NEGR1: variants seen among roughly 807,000 people sequenced by gnomAD.
NEGR1 encodes neuronal growth regulator 1.
A neutral mutation model predicts 40.9 loss-of-function variants in NEGR1; 10 were observed. The ratio of observed to expected loss-of-function variants is 0.24; its 90% CI spans 0.15 to 0.42. The LOEUF is 0.42. Ranked by LOEUF, NEGR1 falls within the 10% of genes least tolerant of loss-of-function variation. The pLI is 1.00. For missense variants in NEGR1, 352 were observed against 438.9 expected, an observed-to-expected ratio of 0.80 and a Z score of 1.77; for synonymous variants, 185 against 166.8, an observed-to-expected ratio of 1.11 and a Z score of -0.84.
At chr1:72,064,496 A>T (rs11209902) in intron 1 of NEGR1, among the ~76,000 whole-genome samples, 3 of 152,186 alleles carry the variant, frequency 2.0e-5, no homozygotes, top group East Asian at 1.9e-4. Flanking sequence ...GCTGGGATCA[A>T]ATCAGAACAC....
At chr1:71,820,764 C>A (rs1342493381) in intron 2 of NEGR1, among the ~76,000 whole-genome samples, 1 of 151,986 alleles carries the variant, frequency 6.6e-6, no homozygotes, top group Non-Finnish European at 1.5e-5. Context: ...CATCCTTCAA[C>A]AAAGATAGCG....
At chr1:72,127,152 C>G (rs1267431325) in intron 1 of NEGR1, among the ~76,000 whole-genome samples, 1 of 152,134 alleles carries the variant, frequency 6.6e-6, no homozygotes, top group Non-Finnish European at 1.5e-5. Flanking sequence ...AACAATGGCA[C>G]TTTAAAAAGT....
chr1:71,685,852 T>A (rs928319383), intron 4 of NEGR1, among the ~76,000 whole-genome samples: 8 of 152,232 alleles, frequency 5.3e-5, no homozygotes, highest in Non-Finnish European at 4.4e-5. Context: ...AATTAAATAC[T>A]TTTTTGAAGA....
At position 71,990,764 on chromosome 1, in the gene NEGR1, T is replaced by C. The variant is rs559958633; in HGVS notation, c.177-55453A>G. ...GATACATCTCTAATACTTCCTAATT[T>C]TCATCAAAACTTTACTTAGTCCTTG... On this transcript the variant is annotated intron_variant, in intron 1 of 6. Coordinates refer to ENST00000357731, the MANE Select transcript of NEGR1 (RefSeq NM_173808.3). 2.6e-5 allele frequency among the ~76,000 whole-genome samples: 4 copies of C among 152,166 alleles called. No homozygotes were observed. In the South Asian group the frequency reaches 8.3e-4, roughly 32 times the overall value.
chr1:71,742,660 C>G (rs1026501479), intron 3 of NEGR1, among the ~76,000 whole-genome samples: 1 of 152,060 alleles, frequency 6.6e-6, no homozygotes, highest in African/African-American at 2.4e-5. Flanking sequence ...TTTTCATGGG[C>G]TCATAGCTGG....
intron 6 of NEGR1, among the ~76,000 whole-genome samples, chr1:71,539,413 G>A (rs1647617251): frequency 6.6e-6 from 1 of 151,658 alleles, no homozygotes; most frequent in African/African-American, 2.4e-5. Flanking sequence ...GAAAGCCTAC[G>A]AAGGAAAACA....
intron 1 of NEGR1, among the ~76,000 whole-genome samples, chr1:72,167,532 C>T (rs1651812011): frequency 1.3e-5 from 2 of 151,888 alleles, no homozygotes; most frequent in South Asian, 4.1e-4. Flanking sequence ...CATATGAGTA[C>T]TTGTACAAAT....
At chr1:71,415,231 A>G (rs888314527) in intron 6 of NEGR1, among the ~76,000 whole-genome samples, 3 of 152,118 alleles carry the variant, frequency 2.0e-5, no homozygotes, top group Non-Finnish European at 4.4e-5. Context: ...ATTTTTACAG[A>G]AAATCTCTCT....
intron 2 of NEGR1, among the ~76,000 whole-genome samples, chr1:71,907,269 A>C (rs1661303052): frequency 6.6e-6 from 1 of 152,198 alleles, no homozygotes; most frequent in South Asian, 2.1e-4. Flanking sequence ...TAGAAACTAC[A>C]TGGCACTGAT....
intron 1 of NEGR1, among the ~76,000 whole-genome samples, chr1:71,952,522 G>T (rs536598097): frequency 2.6e-5 from 4 of 152,074 alleles, no homozygotes; most frequent in Admixed American, 2.6e-4. Context: ...AAAAGAAGCT[G>T]TCTCTATAAC....
At chr1:72,049,593 G>C (rs1647038028) in intron 1 of NEGR1, among the ~76,000 whole-genome samples, 1 of 151,674 alleles carries the variant, frequency 6.6e-6, no homozygotes, top group Admixed American at 6.6e-5. Context: ...CTATAGCACA[G>C]AGAATTTAGC....
intron 1 of NEGR1, among the ~76,000 whole-genome samples, chr1:72,238,284 G>A (rs899160360): frequency 3.3e-5 from 5 of 151,778 alleles, no homozygotes; most frequent in African/African-American, 1.2e-4. Context: ...TCTAGAAGGA[G>A]AGATAGGAAT....
At chr1:71,690,168 A>G (rs1303884438) in intron 4 of NEGR1, among the ~76,000 whole-genome samples, 1 of 152,012 alleles carries the variant, frequency 6.6e-6, no homozygotes, top group Non-Finnish European at 1.5e-5. Flanking sequence ...GCATTGTCAG[A>G]CATAAGCATA....
intron 3 of NEGR1, among the ~76,000 whole-genome samples, chr1:71,707,193 C>A (rs1018084220): frequency 2.0e-5 from 3 of 152,116 alleles, no homozygotes; most frequent in Non-Finnish European, 4.4e-5. Flanking sequence ...ACCAAGTGGG[C>A]TCTTGGGCTC....
At chr1:71,965,365 C>T (rs529789348) in intron 1 of NEGR1, among the ~76,000 whole-genome samples, 1 of 152,282 alleles carries the variant, frequency 6.6e-6, no homozygotes, top group Admixed American at 6.5e-5. Context: ...CTGTTACTTG[C>T]AGCTGAATGT....
chr1:71,581,636 A>G (rs1649136896), intron 6 of NEGR1, among the ~76,000 whole-genome samples: 1 of 152,008 alleles, frequency 6.6e-6, no homozygotes, highest in Non-Finnish European at 1.5e-5. Flanking sequence ...AACTGACTAT[A>G]TGGAATTTAC....
intron 1 of NEGR1, among the ~76,000 whole-genome samples, chr1:72,011,772 A>T (rs1369210589): frequency 6.6e-6 from 1 of 152,196 alleles, no homozygotes; most frequent in East Asian, 1.9e-4. Context: ...ATGTCTAAGC[A>T]TAATCTTAAA....
In NEGR1 at chr1:72,047,645, T is replaced by A. The variant is rs573416237; in HGVS notation, c.177-112334A>T. Among the ~76,000 whole-genome samples, 388 of 151,502 alleles carry A rather than the reference T, an allele frequency of 2.6e-3. 2 individuals are homozygous for A. Among genetic ancestry groups the A allele is most frequent in the African/African-American group, 9.0e-3 (374 of 41,458 alleles). ...TTTGAAAGGTTGAGTTTGATCAGTATGTATTTTCAATTCACAAGAAATACT... is the reference window on the plus strand; with the variant it reads ...TTTGAAAGGTTGAGTTTGATCAGTAAGTATTTTCAATTCACAAGAAATACT... On this transcript the variant is annotated intron_variant, in intron 1 of 6. Transcript: ENST00000357731.
At chr1:72,252,776 T>G (rs1269285523) in intron 1 of NEGR1, among the ~76,000 whole-genome samples, 1 of 152,216 alleles carries the variant, frequency 6.6e-6, no homozygotes, top group Non-Finnish European at 1.5e-5. Flanking sequence ...GTACAGACTC[T>G]CTGAAAGCAG....
Sources: allele counts gnomAD v4.1 joint callset (sites outside exome capture counted in the v4.1 genomes callset), GRCh38; gene constraint gnomAD v4.1.1; transcripts MANE v1.5; gene names NCBI Gene and HGNC (gene_info 2026-07-23, HGNC 2026-07-21).